GGA1: variants seen among roughly 807,000 people sequenced by gnomAD.
GGA1 encodes ADP-ribosylation factor-binding protein GGA1.
Under a neutral mutation model 76.9 loss-of-function variants are expected in GGA1, and 18 were observed. The observed-to-expected ratio is 0.23, with a 90% CI of 0.16 to 0.35. GGA1 has a LOEUF of 0.35. GGA1 is among the 10% of genes least tolerant of loss of function. The pLI is 1.00. For missense variants in GGA1, 755 were observed against 859.0 expected, an observed-to-expected ratio of 0.88 and a Z score of 1.51; for synonymous variants, 342 against 354.7, an observed-to-expected ratio of 0.96 and a Z score of 0.40.
chr22:37,621,777 T>C (rs985904715), intron 7 of GGA1, 81 bp downstream of exon 7: 48 of 902,554 alleles, frequency 5.3e-5, no homozygotes, highest in Non-Finnish European at 8.2e-5. Context: ...TGTATGCATC[T>C]TCACATGGAA....
At chr22:37,616,059 G>A (rs1928732473) in intron 2 of GGA1, among the ~76,000 whole-genome samples, 1 of 152,038 alleles carries the variant, frequency 6.6e-6, no homozygotes, top group African/African-American at 2.4e-5. Flanking sequence ...AGCCAGGATG[G>A]TCTCGATCTC....
chr22:37,630,128 T>A lies in GGA1; in HGVS notation c.1289T>A (p.Leu430His). Residue 430 changes from leucine to histidine, a missense_variant, in exon 13 of 17, where the codon CTC becomes CAC. Coordinates refer to ENST00000343632, the MANE Select transcript of GGA1 (RefSeq NM_013365.5). ...LDDLDLLGKT[L>H]LQQSLPPESQ... ...GACCTAGACCTCCTGGGGAAGACCC[T>A]CCTGCAGCAGTCGCTGCCCCCGGAA... 6.2e-7 allele frequency: 1 copy of A among 1,602,822 alleles called. No individual in the cohort carries two copies. The highest frequency in any genetic ancestry group is 1.1e-5 in the South Asian group (1 of 90,336).
chr22:37,630,309 T>A, intron 13 of GGA1, 139 bp downstream of exon 13: 1 of 617,996 alleles, frequency 1.6e-6, no homozygotes, highest in Admixed American at 3.4e-5. Flanking sequence ...TGCCAAGCAG[T>A]GCACCTGCCT....
chr22:37,609,567 C>T (rs957286035), intron 1 of GGA1, among the ~76,000 whole-genome samples: 3 of 152,196 alleles, frequency 2.0e-5, no homozygotes, highest in African/African-American at 7.2e-5. Context: ...AGATGCCTTT[C>T]CCAGCTCTTG....
intron 13 of GGA1, 153 bp from the exon 14 acceptor site, chr22:37,630,750 T>A (rs1931654678): frequency 1.6e-6 from 1 of 608,270 alleles, no homozygotes; most frequent in Non-Finnish European, 2.9e-6. Flanking sequence ...GTATTTTTTA[T>A]ACAGACCGGG....
At chr22:37,613,671 T>C (rs1461781050) in intron 1 of GGA1, among the ~76,000 whole-genome samples, 2 of 151,636 alleles carry the variant, frequency 1.3e-5, no homozygotes, top group Non-Finnish European at 1.5e-5. Context: ...AGTGCTGGGA[T>C]TACAGGCATG....
rs1930525736 is a variant in GGA1, at chr22:37,624,876, C to T, written c.833-93C>T. 8.7e-6 allele frequency: 13 copies of T among 1,494,500 alleles called. No homozygotes were observed. The highest frequency in any genetic ancestry group is 2.4e-4 in the Middle Eastern group (1 of 4,152). 92.6% of individuals were successfully genotyped at this position (1,494,500 alleles called of 1,614,324 possible). On this transcript the variant is annotated intron_variant, in intron 9 of 16. Coordinates refer to ENST00000343632, the MANE Select transcript of GGA1 (RefSeq NM_013365.5). The surrounding 1 kb of genome is among the most constrained non-coding windows in gnomAD (Gnocchi z 4.3). ...CCTGCCCCTTTCCCTTCCCCTCACA[C>T]ACAGGCTGTGATGGATGTGGGGTCC...
chr22:37,609,088 G>T, intron 1 of GGA1, 185 bp downstream of exon 1: 1 of 1,490,048 alleles, frequency 6.7e-7, no homozygotes, highest in East Asian at 3.0e-5. Context: ...GCCCCGGCGC[G>T]GTCCAGCGGT....
Position 37,632,376 on chromosome 22 carries a change from G to A in GGA1, c.1699-29G>A, listed in dbSNP as rs1054892039. On this transcript the variant is annotated intron_variant, in intron 15 of 16. Coordinates refer to ENST00000343632, the MANE Select transcript of GGA1 (RefSeq NM_013365.5). The surrounding 1 kb of genome is among the most constrained non-coding windows in gnomAD (Gnocchi z 5.1). ...AGAGCAGGACAAGCAGCCAGGGCTA[G>A]CTGTGCCCATCCTGCCATCTGCCCA... is the stretch of plus-strand genomic sequence containing the variant. 6.7e-7 allele frequency: 1 copy of A among 1,496,552 alleles called. No homozygotes were observed. The highest frequency in any genetic ancestry group is 1.7e-5 in the Admixed American group (1 of 59,890). 92.7% of individuals were successfully genotyped at this position (1,496,552 alleles called of 1,614,324 possible). A position where few individuals can be genotyped will look rare whatever the true frequency, so the allele number is the denominator to read the frequency against.
chr22:37,614,078 C>T (rs1470779919), intron 1 of GGA1, 112 bp from the exon 2 acceptor site: 7 of 759,866 alleles, frequency 9.2e-6, no homozygotes, highest in South Asian at 7.1e-5. Context: ...AGCTTTCCCA[C>T]GTGCTCAGTC....
At chr22:37,609,209 C>CT (rs1283621634) in intron 1 of GGA1, 2 of 1,287,770 alleles carry the variant, frequency 1.6e-6, no homozygotes, top group African/African-American at 3.2e-5. Flanking sequence ...ACCCCCAAGG[C>CT]TCACATTGCT....
intron 11 of GGA1, among the ~76,000 whole-genome samples, chr22:37,627,412 C>T (rs1010412502): frequency 6.6e-6 from 1 of 152,154 alleles, no homozygotes; most frequent in African/African-American, 2.4e-5. Flanking sequence ...CAGCACCCTC[C>T]CTGAAGCTGC....
chr22:37,618,560 GC>G lies in GGA1; in HGVS notation c.303+17del. 6.5e-7 allele frequency: 1 copy of G among 1,541,822 alleles called. No homozygotes were observed. The highest frequency in any genetic ancestry group is 9.0e-7 in the Non-Finnish European group (1 of 1,114,358). ...GTGTCTCCCAAGGTTGGTGCCCCCAGCCCAAGCTCAGACCTGCCCTGTCGGA... is the reference window on the plus strand; with the variant it reads ...GTGTCTCCCAAGGTTGGTGCCCCCAGCCAAGCTCAGACCTGCCCTGTCGGA... On this transcript the variant is annotated intron_variant, in intron 4 of 16. Transcript: ENST00000343632.
At chr22:37,611,885 C>G (rs1055518383) in intron 1 of GGA1, among the ~76,000 whole-genome samples, 2 of 152,204 alleles carry the variant, frequency 1.3e-5, no homozygotes, top group African/African-American at 4.8e-5. Flanking sequence ...GGCACAGTGG[C>G]TCATGCCTGT....
intron 2 of GGA1, among the ~76,000 whole-genome samples, chr22:37,614,808 G>T (rs540267745): frequency 6.6e-6 from 1 of 151,956 alleles, no homozygotes; most frequent in East Asian, 1.9e-4. Flanking sequence ...GTGACACCCC[G>T]TCTCTACTAA....
intron 3 of GGA1, chr22:37,617,645 G>T: frequency 1.5e-6 from 1 of 646,446 alleles, no homozygotes; most frequent in Non-Finnish European, 1.9e-6. Context: ...GCTACAGTGA[G>T]CTATGATTGT....
intron 1 of GGA1, chr22:37,613,985 C>T (rs1928255814): frequency 3.6e-6 from 2 of 550,144 alleles, no homozygotes; most frequent in South Asian, 2.0e-5. Flanking sequence ...AAAGTGGGGC[C>T]CTTTGGAGGG....
At chr22:37,613,029 A>AC (rs759966599) in intron 1 of GGA1, 1 of 985,356 alleles carries the variant, frequency 1.0e-6, no homozygotes, top group Non-Finnish European at 1.2e-6. Flanking sequence ...CCAAGGGGAG[A>AC]CAGGTGTGGA....
At position 37,625,778 on chromosome 22, in the gene GGA1, C is replaced by T; in HGVS notation, c.941-19C>T. On this transcript the variant is annotated intron_variant, in intron 10 of 16. Transcript: ENST00000343632. This position sits in a 1 kb window ranked among gnomAD's most constrained non-coding sequence, Gnocchi z 4.1. Reference sequence around the variant, plus strand: ...ACGTGTACACCCAGGACTTGCCAGCCTCTTCTTTCCCACCCCAGGGAGCAC... The same window carrying T: ...ACGTGTACACCCAGGACTTGCCAGCTTCTTCTTTCCCACCCCAGGGAGCAC... 6.5e-7 allele frequency: 1 copy of T among 1,536,922 alleles called. No individual in the cohort carries two copies. The highest frequency in any genetic ancestry group is 8.8e-7 in the Non-Finnish European group (1 of 1,134,810).
Sources: gnomAD v4.1 joint callset for allele counts (sites outside exome capture counted in the v4.1 genomes callset) on GRCh38, gnomAD v4.1.1 for gene constraint, Gnocchi (gnomAD v3.1) non-coding constraint, MANE v1.5 for transcripts, NCBI Gene and HGNC (gene_info 2026-07-23, HGNC 2026-07-21) for gene names.